Variants in NTN1 observed in about 807,000 individuals in gnomAD.
NTN1 encodes the protein netrin-1.
In NTN1, 11 loss-of-function variants were observed where a neutral mutation model predicts 54.2. The observed-to-expected ratio is 0.20, with a 90% confidence interval of 0.13 to 0.34. The LOEUF (loss-of-function observed/expected upper bound fraction) is 0.34, where lower values mean the gene tolerates loss of function less well. NTN1 is among the 10% of genes least tolerant of loss of function. The pLI is 1.00. For synonymous variants in NTN1, 371 were observed against 382.0 expected (o/e 0.97, Z 0.33); for missense variants, 740 against 893.1 (o/e 0.83, Z 2.18).
At chr17:9,124,668 C>G (rs984402145) in intron 2 of NTN1, among the ~76,000 whole-genome samples, 3 of 152,240 alleles carry the variant, frequency 2.0e-5, no homozygotes, top group Admixed American at 6.5e-5. Context: ...CTACCTACCT[C>G]ATGCCATGTC....
At chr17:9,016,098 C>A in the NTN1 span, among the ~76,000 whole-genome samples, 49,759 of 151,150 alleles carry the variant, frequency 0.33, 9,387 homozygotes, top group East Asian at 0.51. Flanking sequence ...AACAAAAAAA[C>A]CCCCACAAAA....
chr17:9,038,352 A>C (rs960815667), intron 2 of NTN1, among the ~76,000 whole-genome samples: 1 of 147,614 alleles, frequency 6.8e-6, no homozygotes, highest in African/African-American at 2.5e-5. Context: ...GACACTATTT[A>C]ATTTACTTAT....
intron 2 of NTN1, among the ~76,000 whole-genome samples, chr17:9,133,082 C>G (rs1254396602): frequency 8.4e-6 from 1 of 118,904 alleles, no homozygotes; most frequent in Non-Finnish European, 1.8e-5. Context: ...CTGACCACAC[C>G]TTCACCCAGT....
chr17:9,157,299 G>A (rs1312951795), intron 2 of NTN1, among the ~76,000 whole-genome samples: 1 of 152,152 alleles, frequency 6.6e-6, no homozygotes, highest in Non-Finnish European at 1.5e-5. Flanking sequence ...GTCCATCTGT[G>A]TATCTCACAT....
At chr17:9,226,165 G>GGGGGA (rs1905538184) in intron 6 of NTN1, among the ~76,000 whole-genome samples, 1 of 144,282 alleles carries the variant, frequency 6.9e-6, no homozygotes, top group Non-Finnish European at 1.5e-5. Context: ...TTGGGGTCGG[G>GGGGGA]GGGGGGCCTC....
intron 5 of NTN1, among the ~76,000 whole-genome samples, chr17:9,193,263 C>T (rs1904517970): frequency 6.6e-6 from 1 of 152,012 alleles, no homozygotes; most frequent in Non-Finnish European, 1.5e-5. Context: ...TTAGTATATT[C>T]TGAATTAATG....
intron 2 of NTN1, among the ~76,000 whole-genome samples, chr17:9,122,600 T>C (rs2092234742): frequency 6.6e-6 from 1 of 152,230 alleles, no homozygotes; most frequent in South Asian, 2.1e-4. Context: ...CTTTTGTTTC[T>C]GCTTAAACTA....
At chr17:9,151,972 G>C (rs1046629789) in intron 2 of NTN1, among the ~76,000 whole-genome samples, 1 of 152,164 alleles carries the variant, frequency 6.6e-6, no homozygotes, top group Non-Finnish European at 1.5e-5. Context: ...AGCCAATCGC[G>C]GGGAGGATTG....
At chr17:9,155,078 A>G (rs913898159) in intron 2 of NTN1, among the ~76,000 whole-genome samples, 2 of 152,204 alleles carry the variant, frequency 1.3e-5, no homozygotes, top group East Asian at 3.8e-4. Flanking sequence ...CTCTCTTCTC[A>G]GGCCCTGTCC....
At chr17:9,144,379 T>C (rs2092307205) in intron 2 of NTN1, among the ~76,000 whole-genome samples, 1 of 152,090 alleles carries the variant, frequency 6.6e-6, no homozygotes, top group South Asian at 2.1e-4. Context: ...TGGGCACCAT[T>C]ACTGTCCTCA....
intron 2 of NTN1, among the ~76,000 whole-genome samples, chr17:9,076,861 C>A (rs2092052004): frequency 6.6e-6 from 1 of 152,238 alleles, no homozygotes; most frequent in African/African-American, 2.4e-5. Flanking sequence ...TGCCTCCACC[C>A]AGGATGGGGT....
At chr17:9,048,624 A>G (rs1597469144) in intron 2 of NTN1, among the ~76,000 whole-genome samples, 2 of 151,898 alleles carry the variant, frequency 1.3e-5, no homozygotes, top group Admixed American at 6.6e-5. Flanking sequence ...TGTTTTGTCT[A>G]CACTGAAAAT....
At chr17:9,100,495 G>T (rs1330361608) in intron 2 of NTN1, among the ~76,000 whole-genome samples, 2 of 151,670 alleles carry the variant, frequency 1.3e-5, no homozygotes, top group East Asian at 3.9e-4. Context: ...TCGAGACGGG[G>T]TTTCACCATG....
At chr17:9,040,473 C>T (rs1161840401) in intron 2 of NTN1, among the ~76,000 whole-genome samples, 1 of 152,146 alleles carries the variant, frequency 6.6e-6, no homozygotes, top group African/African-American at 2.4e-5. Flanking sequence ...TTGCAACCTT[C>T]AGCTTTACTA....
intron 2 of NTN1, among the ~76,000 whole-genome samples, chr17:9,112,847 C>T (rs796196837): frequency 2.0e-5 from 3 of 150,812 alleles, no homozygotes; most frequent in Non-Finnish European, 3.0e-5. Context: ...AAAAAATGCA[C>T]CCCACCCCCT....
At chr17:9,198,367 G>A (rs1332906223) in intron 5 of NTN1, among the ~76,000 whole-genome samples, 3 of 152,188 alleles carry the variant, frequency 2.0e-5, no homozygotes, top group East Asian at 1.9e-4. Context: ...ATAACCTCCC[G>A]GATATCTCCA....
At chr17:9,209,455 G>C (rs562560388) in intron 5 of NTN1, among the ~76,000 whole-genome samples, 16 of 152,368 alleles carry the variant, frequency 1.1e-4, no homozygotes, top group African/African-American at 2.9e-4. Context: ...GTTTGAGGCT[G>C]TCCCAGTGGG....
chr17:9,023,867 TG>T (rs1263187085), intron 2 of NTN1, among the ~76,000 whole-genome samples: 3 of 152,238 alleles, frequency 2.0e-5, no homozygotes, highest in Admixed American at 6.5e-5. Context: ...GTTTGTAGTT[TG>T]GGGTCAGTTC....
At chr17:9,223,597 C>T (rs1045491266) in intron 6 of NTN1, among the ~76,000 whole-genome samples, 3 of 152,162 alleles carry the variant, frequency 2.0e-5, no homozygotes, top group African/African-American at 7.2e-5. Context: ...CCCGGAGCTG[C>T]AGGGACTGCA....
Sources: gnomAD v4.1 joint callset for allele counts (sites outside exome capture counted in the v4.1 genomes callset) on GRCh38, gnomAD v4.1.1 for gene constraint, MANE v1.5 for transcripts, NCBI Gene and HGNC (gene_info 2026-07-23, HGNC 2026-07-21) for gene names.